DICER1: variants seen among roughly 807,000 people sequenced by gnomAD.
DICER1 encodes dicer 1, ribonuclease III.
In DICER1, 43 loss-of-function variants were observed where a neutral mutation model predicts 194.1. The ratio of observed to expected loss-of-function variants is 0.22; its 90% CI spans 0.17 to 0.29. The LOEUF (loss-of-function observed/expected upper bound fraction) is 0.29. Among genes scored for constraint, DICER1 ranks in the 10% least tolerant of loss-of-function variants. The pLI is 1.00. For missense variants in DICER1, 1,608 were observed against 2,317.0 expected (o/e 0.69, Z 6.28); for synonymous variants, 832 against 820.5 (o/e 1.01, Z -0.24).
intron 14 of DICER1, among the ~76,000 whole-genome samples, chr14:95,110,632 G>A (rs569769836): frequency 2.6e-5 from 4 of 152,204 alleles, no homozygotes; most frequent in South Asian, 4.1e-4. Context: ...AAGGGTAAGC[G>A]GGACTACTAC....
At chr14:95,126,506 T>C (rs2140231682) in intron 7 of DICER1, 74 bp downstream of exon 7, 2 of 987,420 alleles carry the variant, frequency 2.0e-6, no homozygotes, top group South Asian at 2.9e-5. Context: ...GCATTAAGCA[T>C]ATTTTCATTT....
chr14:95,101,432 T>C (rs1890868745), intron 21 of DICER1, among the ~76,000 whole-genome samples: 1 of 152,234 alleles, frequency 6.6e-6, no homozygotes, highest in Non-Finnish European at 1.5e-5. Flanking sequence ...AAGCCTCTGA[T>C]ACTTTCTTCC....
Position 95,096,690 on chromosome 14 carries a change from A to G in DICER1, c.4230T>C (p.Asn1410=), listed in dbSNP as rs1060504963. The G allele has an allele frequency of 1.2e-6, 2 of 1,611,024 alleles. No homozygotes were observed. Among genetic ancestry groups the G allele is most frequent in the Non-Finnish European group, 8.5e-7 (1 of 1,178,452 alleles). ...CCTCGTAATCCTCATCCAGTTTGCC[A>G]TTCGCCAGCATGCAGTCTTTTGTCT... ...DEMTKDCMLA[N]GKLDEDYEEE... Residue 1410 remains asparagine, a synonymous_variant, in exon 23 of 27, where the codon AAT becomes AAC. Coordinates refer to ENST00000343455, the MANE Select transcript of DICER1 (RefSeq NM_177438.3).
At chr14:95,145,352 C>T (rs541189943) in intron 1 of DICER1, among the ~76,000 whole-genome samples, 3 of 152,116 alleles carry the variant, frequency 2.0e-5, no homozygotes, top group Non-Finnish European at 2.9e-5. Flanking sequence ...TGGTACCTAA[C>T]GTAAAGTAAA....
intron 9 of DICER1, among the ~76,000 whole-genome samples, 176 bp downstream of exon 9, chr14:95,117,446 C>A (rs371936143): frequency 1.3e-5 from 2 of 152,104 alleles, no homozygotes; most frequent in South Asian, 4.1e-4. Context: ...TCTGAGCATA[C>A]AAATCACTCT....
chr14:95,102,703 A>G (rs541029818), intron 21 of DICER1, among the ~76,000 whole-genome samples: 1 of 152,224 alleles, frequency 6.6e-6, no homozygotes, highest in East Asian at 1.9e-4. Flanking sequence ...TTTTTCCCCC[A>G]TAACTTGAAT....
chr14:95,089,667 A>G lies in DICER1; in HGVS notation c.*831T>C, dbSNP rs1889618797. 4.3e-6 allele frequency: 1 copy of G among 231,476 alleles called. No individual in the cohort carries two copies. The highest frequency in any genetic ancestry group is 1.8e-4 in the South Asian group (1 of 5,522). The allele number at this position is 231,476 out of a possible 1,614,324, so 14.3% of individuals were successfully genotyped here. On this transcript the variant is annotated 3_prime_UTR_variant, in exon 27 of 27. Coordinates refer to ENST00000343455, the MANE Select transcript of DICER1 (RefSeq NM_177438.3). Reference sequence around the variant, plus strand: ...GGTTTTTAAAATGTCTTCAGTATACATATGACAGAAATTTTAGTATGATCC... The same window carrying G: ...GGTTTTTAAAATGTCTTCAGTATACGTATGACAGAAATTTTAGTATGATCC...
intron 13 of DICER1, among the ~76,000 whole-genome samples, chr14:95,111,879 T>C (rs1170354124): frequency 6.6e-6 from 1 of 152,154 alleles, no homozygotes; most frequent in Non-Finnish European, 1.5e-5. Flanking sequence ...CAAGTGTTCA[T>C]GGTGCATGAT....
At chr14:95,132,746 ATTT>A in intron 2 of DICER1, 69 bp from the exon 3 acceptor site, 1 of 1,477,454 alleles carries the variant, frequency 6.8e-7, no homozygotes, top group Non-Finnish European at 9.4e-7. Flanking sequence ...ATTGGATTTT[ATTT>A]TAAATCAGGA....
At chr14:95,156,323 C>T (rs1895860389) in intron 1 of DICER1, among the ~76,000 whole-genome samples, 1 of 152,160 alleles carries the variant, frequency 6.6e-6, no homozygotes, top group Non-Finnish European at 1.5e-5. Flanking sequence ...GTTTTTAAAA[C>T]CTGAAAGTCC....
At chr14:95,146,313 C>A (rs1198713894) in intron 1 of DICER1, among the ~76,000 whole-genome samples, 1 of 152,236 alleles carries the variant, frequency 6.6e-6, no homozygotes, top group Non-Finnish European at 1.5e-5. Flanking sequence ...CTTCACCTAT[C>A]TTACATATAC....
chr14:95,099,811 C>G lies in DICER1; in HGVS notation c.4175G>C (p.Ser1392Thr), dbSNP rs751216539. ...PPGYVVNQDK[S>T]NTDKWEKDEM... ...ATCTTTTTCCCATTTATCTGTGTTG[C>G]TTTTGTCTTGATTTACTACATAACC... Residue 1392 changes from serine to threonine, a missense_variant, in exon 22 of 27, where the codon AGC (serine) becomes ACC (threonine). Physicochemically the swap from Ser to Thr is moderately conservative, Grantham distance 58 (BLOSUM62 1). Transcript: ENST00000343455. 1 of 1,612,296 alleles carries G rather than the reference C, an allele frequency of 6.2e-7. No individual in the cohort carries two copies. Among genetic ancestry groups the G allele is most frequent in the Admixed American group, 1.7e-5 (1 of 59,872 alleles).
chr14:95,122,947 C>T (rs1185542335), intron 8 of DICER1, among the ~76,000 whole-genome samples: 1 of 133,864 alleles, frequency 7.5e-6, no homozygotes, highest in Non-Finnish European at 1.6e-5. Flanking sequence ...CGCGCGCGCG[C>T]GCACACACAC....
chr14:95,145,810 T>A (rs1275745997), intron 1 of DICER1, among the ~76,000 whole-genome samples: 3 of 152,180 alleles, frequency 2.0e-5, no homozygotes, highest in Non-Finnish European at 4.4e-5. Flanking sequence ...TAGTTTACCC[T>A]AACACTATGG....
At chr14:95,135,810 T>C (rs192310857) in intron 1 of DICER1, among the ~76,000 whole-genome samples, 48 of 152,356 alleles carry the variant, frequency 3.2e-4, no homozygotes, top group African/African-American at 1.2e-3. Context: ...CATTCATCTG[T>C]TGATGGACAC....
intron 7 of DICER1, among the ~76,000 whole-genome samples, chr14:95,126,133 A>G (rs866928706): frequency 6.6e-6 from 1 of 152,210 alleles, no homozygotes; most frequent in Non-Finnish European, 1.5e-5. Flanking sequence ...GATGCTGCTG[A>G]TGATGATGTG....
chr14:95,107,191 T>C (rs1315878502), intron 17 of DICER1, among the ~76,000 whole-genome samples: 1 of 152,008 alleles, frequency 6.6e-6, no homozygotes, highest in East Asian at 1.9e-4. Context: ...ACTAATATAT[T>C]TCCTATTAGT....
At position 95,124,341 on chromosome 14, in the gene DICER1, A is replaced by C. The variant is rs1566802127; in HGVS notation, c.1231T>G (p.Ser411Ala). 2 of 1,613,890 alleles carry C rather than the reference A, an allele frequency of 1.2e-6. No individual in the cohort carries two copies. The highest frequency in any genetic ancestry group is 1.7e-6 in the Non-Finnish European group (2 of 1,179,852). The change falls in exon 8 of 27, where the codon TCA (serine) becomes GCA (alanine). Residue 411 changes from serine to alanine, a missense_variant. Around this residue, in one of 10 missense-constraint regions of DICER1, gnomAD observed 657 missense variants for 910.1 expected, o/e 0.72. Transcript: ENST00000343455. The surrounding 1 kb of genome is among the most constrained non-coding windows in gnomAD (Gnocchi z 4.5). ...TCATCATCCTCAGAATCACTCCATG[A>C]CACATAATTATCCTGATTTCTATTA... ...YNNRNQDNYV[S>A]WSDSEDDDED...
intron 1 of DICER1, among the ~76,000 whole-genome samples, chr14:95,151,628 G>A (rs932161503): frequency 6.6e-6 from 1 of 152,132 alleles, no homozygotes; most frequent in Non-Finnish European, 1.5e-5. Context: ...TTTGAACCCT[G>A]GTCTCTCTGA....
Sources: gnomAD v4.1 joint callset for allele counts (sites outside exome capture counted in the v4.1 genomes callset) on GRCh38, gnomAD v4.1.1 for gene constraint, gnomAD v4.1.1 regional missense constraint, Gnocchi (gnomAD v3.1) non-coding constraint, MANE v1.5 for transcripts, NCBI Gene and HGNC (gene_info 2026-07-23, HGNC 2026-07-21) for gene names.